The following LPP variants were observed in gnomAD, a reference collection of about 807,000 sequenced individuals.
The protein encoded by LPP is lipoma-preferred partner.
LPP carries 38 observed loss-of-function variants against 60.4 expected under a neutral mutation model. The ratio of observed to expected loss-of-function variants is 0.63; its 90% confidence interval spans 0.49 to 0.83. The LOEUF (loss-of-function observed/expected upper bound fraction) is 0.83, where lower values mean the gene tolerates loss of function less well. Ranked by LOEUF, LPP falls within the 40% of genes least tolerant of loss-of-function variation. LPP has a pLI of 0.00. For missense variants in LPP, 902 were observed against 783.6 expected (o/e 1.15, Z -1.80); for synonymous variants, 328 against 290.8 (o/e 1.13, Z -1.30).
intron 9 of LPP, among the ~76,000 whole-genome samples, chr3:188,796,674 T>C (rs1027034482): frequency 6.6e-6 from 1 of 152,206 alleles, no homozygotes; most frequent in Non-Finnish European, 1.5e-5. Flanking sequence ...GTATTTCCTG[T>C]TCCAAATAGG....
At chr3:188,579,601 A>T (rs1835566862) in intron 6 of LPP, among the ~76,000 whole-genome samples, 1 of 151,974 alleles carries the variant, frequency 6.6e-6, no homozygotes, top group Admixed American at 6.6e-5. Context: ...TTTTAAATAT[A>T]GTACTTCTAG....
At chr3:188,765,806 A>C (rs925348032) in intron 9 of LPP, among the ~76,000 whole-genome samples, 2 of 148,738 alleles carry the variant, frequency 1.3e-5, no homozygotes, top group Non-Finnish European at 3.0e-5. Context: ...CCTCGCAAGT[A>C]GCTAGGACTA....
At chr3:188,576,620 G>A (rs924411930) in intron 6 of LPP, among the ~76,000 whole-genome samples, 3 of 152,026 alleles carry the variant, frequency 2.0e-5, no homozygotes, top group East Asian at 1.9e-4. Context: ...CTTCTGTATC[G>A]CAGAAAACAA....
intron 1 of LPP, among the ~76,000 whole-genome samples, chr3:188,155,937 C>T (rs923112433): frequency 1.3e-5 from 2 of 152,092 alleles, no homozygotes; most frequent in African/African-American, 4.8e-5. Context: ...ATCGCTTGAA[C>T]CCGGGAGGCA....
chr3:188,460,128 A>G (rs1173990403), intron 4 of LPP, among the ~76,000 whole-genome samples: 1 of 152,186 alleles, frequency 6.6e-6, no homozygotes, highest in Non-Finnish European at 1.5e-5. Context: ...TTATTGATTT[A>G]CAGACATCTT....
Position 188,519,161 on chromosome 3 carries a change from T to C in LPP, c.307-5504T>C, listed in dbSNP as rs966851308. On this transcript the variant is annotated intron_variant, in intron 5 of 11. Transcript: ENST00000617246. ...CAGATTATTTTTAATTTAAAAATCATGCAGTCATGCTTAAAATGGTGAAAT... is the reference window on the plus strand; with the variant it reads ...CAGATTATTTTTAATTTAAAAATCACGCAGTCATGCTTAAAATGGTGAAAT... Among the ~76,000 whole-genome samples the C allele has an allele frequency of 1.1e-4, 17 of 152,332 alleles. No individual in the cohort carries two copies. In the East Asian group the frequency reaches 2.1e-3, roughly 19 times the overall value.
At chr3:188,682,537 G>A (rs751589764) in intron 7 of LPP, among the ~76,000 whole-genome samples, 3 of 152,204 alleles carry the variant, frequency 2.0e-5, no homozygotes, top group Non-Finnish European at 4.4e-5. Context: ...ACAGGCACCA[G>A]CATTTGTTAT....
At chr3:188,443,674 A>T (rs1188344448) in intron 4 of LPP, among the ~76,000 whole-genome samples, 1 of 152,170 alleles carries the variant, frequency 6.6e-6, no homozygotes, top group Non-Finnish European at 1.5e-5. Flanking sequence ...CTAATTAGCA[A>T]TGCTGAATCT....
At chr3:188,425,093 G>A (rs1044264962) in intron 4 of LPP, among the ~76,000 whole-genome samples, 12 of 152,144 alleles carry the variant, frequency 7.9e-5, no homozygotes, top group African/African-American at 1.9e-4. Flanking sequence ...GTCATAAATA[G>A]CTCTTATTAT....
chr3:188,372,132 C>T (rs979322245), intron 3 of LPP, among the ~76,000 whole-genome samples: 2 of 151,840 alleles, frequency 1.3e-5, no homozygotes, highest in Non-Finnish European at 2.9e-5. Context: ...CCTTCCATGC[C>T]CAACCCAAGT....
intron 8 of LPP, among the ~76,000 whole-genome samples, chr3:188,749,065 G>T (rs1727213475): frequency 6.6e-6 from 1 of 152,166 alleles, no homozygotes; most frequent in South Asian, 2.1e-4. Flanking sequence ...TCTACTGGTT[G>T]CAATTGTAAT....
At chr3:188,641,382 G>T (rs949148852) in intron 7 of LPP, among the ~76,000 whole-genome samples, 2 of 152,186 alleles carry the variant, frequency 1.3e-5, no homozygotes, top group East Asian at 1.9e-4. Flanking sequence ...ATTTTTATAC[G>T]ATTTGGGAGG....
chr3:188,312,739 G>A (rs1353248154), intron 2 of LPP: 7 of 151,990 alleles, frequency 4.6e-5, no homozygotes. Flanking sequence ...TACCTTTATT[G>A]TATATTAAAT....
intron 2 of LPP, among the ~76,000 whole-genome samples, chr3:188,278,368 A>C (rs191033250): frequency 4.6e-5 from 7 of 152,142 alleles, no homozygotes; most frequent in Admixed American, 1.3e-4. Context: ...GCAAGTCCTC[A>C]TCTGCCAAAG....
At chr3:188,651,272 G>A (rs1852024859) in intron 7 of LPP, among the ~76,000 whole-genome samples, 1 of 152,174 alleles carries the variant, frequency 6.6e-6, no homozygotes, top group African/African-American at 2.4e-5. Flanking sequence ...GATGGACATA[G>A]AAAGCAGCAA....
chr3:188,634,344 C>T (rs1848342109), intron 7 of LPP, among the ~76,000 whole-genome samples: 1 of 152,194 alleles, frequency 6.6e-6, no homozygotes, highest in South Asian at 2.1e-4. Context: ...GTAGAGAAGA[C>T]ACAATCCCTT....
chr3:188,800,021 C>A (rs1319770501), intron 9 of LPP, among the ~76,000 whole-genome samples: 2 of 152,146 alleles, frequency 1.3e-5, no homozygotes, highest in Middle Eastern at 6.8e-3. Context: ...CTGCACCTTG[C>A]TTCTTTGTTT....
chr3:188,298,766 G>A (rs1748762094), intron 2 of LPP, among the ~76,000 whole-genome samples: 1 of 152,152 alleles, frequency 6.6e-6, no homozygotes, highest in African/African-American at 2.4e-5. Flanking sequence ...ATCCTATAAA[G>A]GAACAAAAGC....
At chr3:188,504,907 G>T (rs1019281737) in intron 5 of LPP, among the ~76,000 whole-genome samples, 4 of 152,170 alleles carry the variant, frequency 2.6e-5, no homozygotes, top group Middle Eastern at 6.8e-3. Flanking sequence ...GTGATTAAAA[G>T]CAGCAATTAA....
Sources: gnomAD v4.1 joint callset for allele counts (sites outside exome capture counted in the v4.1 genomes callset) on GRCh38, gnomAD v4.1.1 for gene constraint, MANE v1.5 for transcripts, NCBI Gene and HGNC (gene_info 2026-07-23, HGNC 2026-07-21) for gene names.